INVS: variants seen among roughly 807,000 people sequenced by gnomAD.
INVS encodes inversion of embryo turning homolog.
INVS carries 86 observed loss-of-function variants against 108.8 expected under a neutral mutation model. The ratio of observed to expected loss-of-function variants is 0.79; its 90% CI spans 0.66 to 0.95. INVS has a LOEUF of 0.95. Among genes scored for constraint, INVS ranks in the 40% least tolerant of loss-of-function variants. The pLI, the probability that INVS is intolerant of heterozygous loss-of-function variation, is 0.00. For synonymous variants in INVS, 455 were observed against 473.5 expected, an observed-to-expected ratio of 0.96 and a Z score of 0.51; for missense variants, 1,169 against 1,297.4, an observed-to-expected ratio of 0.90 and a Z score of 1.52.
At chr9:100,247,083 G>T (rs1457080015) in intron 8 of INVS, among the ~76,000 whole-genome samples, 3 of 146,538 alleles carry the variant, frequency 2.0e-5, no homozygotes, top group South Asian at 2.2e-4. Flanking sequence ...TTATCTTTTT[G>T]TAAAAAAAAA....
chr9:100,296,468 T>C (rs980454747), intron 14 of INVS, among the ~76,000 whole-genome samples: 2 of 152,232 alleles, frequency 1.3e-5, no homozygotes, highest in African/African-American at 4.8e-5. Context: ...AATGCCTCTA[T>C]CTATCTCTGC....
chr9:100,300,955 T>C lies in INVS; in HGVS notation c.*281T>C, dbSNP rs2118801512. ...TCTGCTTTCACCTCAGTCTGTACAG[T>C]TGGAAATGAGAATTCATAATTAACA... is the stretch of plus-strand genomic sequence containing the variant. On this transcript the variant is annotated 3_prime_UTR_variant, in exon 17 of 17. Transcript: ENST00000262457. 2.3e-6 allele frequency: 1 copy of C among 427,514 alleles called. No homozygotes were observed. Among genetic ancestry groups the C allele is most frequent in the Non-Finnish European group, 4.3e-6 (1 of 235,184 alleles). 26.5% of individuals were successfully genotyped at this position (427,514 alleles called of 1,614,324 possible).
chr9:100,263,739 T>A (rs1197819302), intron 10 of INVS, among the ~76,000 whole-genome samples: 1 of 152,046 alleles, frequency 6.6e-6, no homozygotes, highest in African/African-American at 2.4e-5. Flanking sequence ...GAGTGCATTA[T>A]TTTTTTTGGA....
intron 8 of INVS, among the ~76,000 whole-genome samples, chr9:100,247,434 C>T (rs1362330287): frequency 6.6e-6 from 1 of 152,178 alleles, no homozygotes; most frequent in Non-Finnish European, 1.5e-5. Flanking sequence ...TTGGAGGTCT[C>T]TTCCTTGTGT....
At chr9:100,228,857 C>G (rs1051506590) in intron 4 of INVS, among the ~76,000 whole-genome samples, 1 of 152,178 alleles carries the variant, frequency 6.6e-6, no homozygotes, top group Non-Finnish European at 1.5e-5. Flanking sequence ...CTCCCTTGTT[C>G]AAAGGAAATA....
intron 10 of INVS, among the ~76,000 whole-genome samples, chr9:100,257,606 C>G (rs1588127047): frequency 1.3e-5 from 2 of 152,140 alleles, no homozygotes; most frequent in South Asian, 2.1e-4. Flanking sequence ...AGGCCTGGTG[C>G]TAACAAAATC....
chr9:100,247,782 A>G (rs1425154624), intron 8 of INVS, among the ~76,000 whole-genome samples: 1 of 152,120 alleles, frequency 6.6e-6, no homozygotes, highest in Non-Finnish European at 1.5e-5. Context: ...GTATTTCTCT[A>G]TGAAAGCCTT....
At chr9:100,283,047 G>A (rs1484814615) in intron 12 of INVS, among the ~76,000 whole-genome samples, 1 of 152,204 alleles carries the variant, frequency 6.6e-6, no homozygotes, top group Non-Finnish European at 1.5e-5. Context: ...GGTGGCTCAC[G>A]CCTATAATCC....
At chr9:100,246,837 G>A (rs1433538838) in intron 8 of INVS, 50 bp downstream of exon 8, 2 of 1,500,936 alleles carry the variant, frequency 1.3e-6, no homozygotes, top group Non-Finnish European at 9.3e-7. Flanking sequence ...GTTCCAAAGT[G>A]TAGATGTTGC....
intron 2 of INVS, among the ~76,000 whole-genome samples, chr9:100,105,245 G>A (rs1378842083): frequency 1.3e-5 from 2 of 152,176 alleles, no homozygotes; most frequent in Non-Finnish European, 2.9e-5. Flanking sequence ...ATTCACACCA[G>A]TGTCTGATGA....
At chr9:100,268,831 A>G (rs1832867148) in intron 11 of INVS, among the ~76,000 whole-genome samples, 1 of 152,198 alleles carries the variant, frequency 6.6e-6, no homozygotes. Context: ...AGTTAAGAGA[A>G]TGCCCAGGGT....
intron 1 of INVS, among the ~76,000 whole-genome samples, chr9:100,100,995 T>C (rs1255594606): frequency 7.0e-5 from 6 of 85,984 alleles, no homozygotes; most frequent in Non-Finnish European, 1.2e-4. Flanking sequence ...TATATATGTA[T>C]ATATAATATA....
At chr9:100,221,478 T>C (rs1405140424) in intron 3 of INVS, among the ~76,000 whole-genome samples, 2 of 152,122 alleles carry the variant, frequency 1.3e-5, no homozygotes, top group African/African-American at 4.8e-5. Flanking sequence ...AGTTGCTTGT[T>C]TAGGAGAACA....
intron 3 of INVS, among the ~76,000 whole-genome samples, chr9:100,141,663 G>A (rs1275026039): frequency 6.6e-6 from 1 of 152,120 alleles, no homozygotes. Context: ...AAGTCAACTT[G>A]CCAGTCCTGG....
chr9:100,169,172 C>T (rs1829459270), intron 3 of INVS, among the ~76,000 whole-genome samples: 1 of 152,102 alleles, frequency 6.6e-6, no homozygotes, highest in Non-Finnish European at 1.5e-5. Flanking sequence ...TTATTCCAAC[C>T]TGAACTAATC....
chr9:100,267,122 G>A (rs887731095), intron 11 of INVS, among the ~76,000 whole-genome samples: 34 of 149,682 alleles, frequency 2.3e-4, no homozygotes, highest in African/African-American at 7.1e-4. Context: ...AGCATTTACC[G>A]CCTGACTGCT....
At chr9:100,212,672 T>C (rs1017573959) in intron 3 of INVS, among the ~76,000 whole-genome samples, 24 of 152,208 alleles carry the variant, frequency 1.6e-4, no homozygotes, top group African/African-American at 5.5e-4. Flanking sequence ...AATCTTCTTA[T>C]GTATTTCACT....
In INVS at chr9:100,264,943, A is replaced by AT; in HGVS notation, c.1571+15_1571+16insT. Reference sequence around the variant, plus strand: ...AATGAAGAGAGGTAAGTTGTTGTTGACTTTTTTTTTTTTTTTTGAGATGGC... The same window carrying AT: ...AATGAAGAGAGGTAAGTTGTTGTTGATCTTTTTTTTTTTTTTTTGAGATGGC... On this transcript the variant is annotated intron_variant, in intron 11 of 16. Coordinates refer to ENST00000262457, the MANE Select transcript of INVS (RefSeq NM_014425.5). The AT allele has an allele frequency of 1.4e-6, 2 of 1,463,492 alleles. No individual in the cohort carries two copies. Among genetic ancestry groups the AT allele is most frequent in the Admixed American group, 2.0e-5 (1 of 50,846 alleles). The allele number at this position is 1,463,492 out of a possible 1,614,324, so 90.7% of individuals were successfully genotyped here. A position where few individuals can be genotyped will look rare whatever the true frequency, so the allele number is the denominator to read the frequency against.
At chr9:100,157,120 T>C (rs1829015484) in intron 3 of INVS, among the ~76,000 whole-genome samples, 2 of 151,662 alleles carry the variant, frequency 1.3e-5, no homozygotes, top group Admixed American at 6.6e-5. Flanking sequence ...GGGTATACTG[T>C]TAACTGAAAA....
Sources: allele counts gnomAD v4.1 joint callset (sites outside exome capture counted in the v4.1 genomes callset), GRCh38; gene constraint gnomAD v4.1.1; transcripts MANE v1.5; gene names NCBI Gene and HGNC (gene_info 2026-07-23, HGNC 2026-07-21).